Variants in SAMD5 observed in about 807,000 individuals in gnomAD.
SAMD5 encodes the protein sterile alpha motif domain containing 5.
Under a neutral mutation model 11.3 loss-of-function variants are expected in SAMD5, and 13 were observed. The ratio of observed to expected loss-of-function variants is 1.15; its 90% CI spans 0.75 to 1.83. SAMD5 has a LOEUF of 1.83. Ranked by LOEUF, SAMD5 falls within the 40% of genes most tolerant of loss-of-function variation. SAMD5 has a pLI of 0.00. For synonymous variants in SAMD5, 129 were observed against 111.3 expected (o/e 1.16, Z -1.00); for missense variants, 255 against 239.1 (o/e 1.07, Z -0.44).
chr6:147,633,974 C>T (rs1358183881), intron 1 of SAMD5, among the ~76,000 whole-genome samples: 1 of 152,108 alleles, frequency 6.6e-6, no homozygotes, highest in Non-Finnish European at 1.5e-5. Context: ...TCATTTTTCT[C>T]CAGCTTCATT....
intron 1 of SAMD5, among the ~76,000 whole-genome samples, chr6:147,579,254 A>G (rs761824646): frequency 5.3e-5 from 8 of 152,202 alleles, no homozygotes; most frequent in Non-Finnish European, 1.2e-4. Context: ...ACATGCTTAC[A>G]TACTGGGAAA....
intron 1 of SAMD5, among the ~76,000 whole-genome samples, chr6:147,670,323 A>G (rs1431933409): frequency 6.6e-6 from 1 of 152,220 alleles, no homozygotes; most frequent in Admixed American, 6.5e-5. Flanking sequence ...GGGCCCTAAG[A>G]TTTCCAGAAT....
At chr6:147,536,454 G>T (rs1479682973) in intron 1 of SAMD5, among the ~76,000 whole-genome samples, 3 of 152,156 alleles carry the variant, frequency 2.0e-5, no homozygotes, top group Non-Finnish European at 4.4e-5. Flanking sequence ...TAGCTTTAAA[G>T]AAATAAGTTT....
chr6:147,820,727 C>T, the SAMD5 span, among the ~76,000 whole-genome samples: 3 of 152,178 alleles, frequency 2.0e-5, no homozygotes, highest in African/African-American at 7.2e-5. Flanking sequence ...TTAGAGATGT[C>T]TGACCTGTGC....
At chr6:147,728,279 A>G (rs973584201) in intron 1 of SAMD5, among the ~76,000 whole-genome samples, 3 of 152,146 alleles carry the variant, frequency 2.0e-5, no homozygotes, top group Admixed American at 2.0e-4. Context: ...TCAGCCAGAC[A>G]CGGTCTTGTA....
chr6:147,640,497 CAAAAAAAA>C (rs1172694444), intron 1 of SAMD5, among the ~76,000 whole-genome samples: 1 of 24,188 alleles, frequency 4.1e-5, no homozygotes, highest in African/African-American at 1.1e-4. Flanking sequence ...GACTCTGTCG[CAAAAAAAA>C]AAAAAAAAAA....
chr6:147,563,815 C>A (rs532370534), intron 1 of SAMD5, among the ~76,000 whole-genome samples: 4 of 152,332 alleles, frequency 2.6e-5, no homozygotes, highest in Admixed American at 2.0e-4. Flanking sequence ...TTCCAGCTCA[C>A]GTGCAACTAT....
chr6:147,733,077 A>C (rs538653898), intron 1 of SAMD5, among the ~76,000 whole-genome samples: 1 of 152,220 alleles, frequency 6.6e-6, no homozygotes, highest in Non-Finnish European at 1.5e-5. Context: ...GGCTGCCTAC[A>C]TTTTGACATT....
At chr6:147,767,679 A>G in the SAMD5 span, among the ~76,000 whole-genome samples, 1 of 152,318 alleles carries the variant, frequency 6.6e-6, no homozygotes, top group East Asian at 1.9e-4. Flanking sequence ...GAAAGCCCTC[A>G]CCAGGGACTG....
At chr6:147,737,935 G>A (rs889124013), downstream of SAMD5, among the ~76,000 whole-genome samples, 1 of 152,046 alleles carries the variant, frequency 6.6e-6, no homozygotes, top group Non-Finnish European at 1.5e-5. Context: ...TATAAGTTAC[G>A]GAGGATAAAG....
the SAMD5 span, among the ~76,000 whole-genome samples, chr6:147,878,603 A>G: frequency 6.8e-6 from 1 of 146,700 alleles, no homozygotes; most frequent in Non-Finnish European, 1.5e-5. Context: ...ATACATATAT[A>G]TCTATATAGA....
intron 1 of SAMD5, among the ~76,000 whole-genome samples, chr6:147,709,920 G>A (rs1197597198): frequency 1.3e-5 from 2 of 152,034 alleles, no homozygotes; most frequent in African/African-American, 2.4e-5. Context: ...GTGTCTTGCC[G>A]CTTCTGCCTA....
intron 1 of SAMD5, among the ~76,000 whole-genome samples, chr6:147,630,746 A>G (rs1790137149): frequency 1.3e-5 from 2 of 152,218 alleles, no homozygotes; most frequent in South Asian, 2.1e-4. Flanking sequence ...ACAGAAGCAC[A>G]TGAAATTTGA....
downstream of SAMD5, among the ~76,000 whole-genome samples, chr6:147,571,328 G>T (rs1050588812): frequency 6.6e-6 from 1 of 152,126 alleles, no homozygotes; most frequent in Admixed American, 6.5e-5. Flanking sequence ...ATCACATCAC[G>T]TAAGTCAGCT....
the SAMD5 span, among the ~76,000 whole-genome samples, chr6:147,781,349 G>A: frequency 2.0e-5 from 3 of 151,974 alleles, no homozygotes; most frequent in East Asian, 5.8e-4. Context: ...TAGAGACAGG[G>A]TCTCACTATA....
chr6:147,866,556 T>C, the SAMD5 span, among the ~76,000 whole-genome samples: 1 of 152,130 alleles, frequency 6.6e-6, no homozygotes, highest in Non-Finnish European at 1.5e-5. Context: ...GTTGATGGAT[T>C]TATGGGCAGT....
intron 1 of SAMD5, among the ~76,000 whole-genome samples, chr6:147,715,161 T>C (rs1474945680): frequency 6.6e-6 from 1 of 152,196 alleles, no homozygotes; most frequent in Non-Finnish European, 1.5e-5. Flanking sequence ...CCCAAGTTTT[T>C]ACTCAGGCCT....
chr6:147,770,653 G>A, the SAMD5 span, among the ~76,000 whole-genome samples: 1 of 152,172 alleles, frequency 6.6e-6, no homozygotes, highest in Non-Finnish European at 1.5e-5. Flanking sequence ...AGATTCGAAT[G>A]ATGTAGATTG....
downstream of SAMD5, among the ~76,000 whole-genome samples, chr6:147,740,983 G>T (rs987797307): frequency 6.6e-6 from 1 of 152,164 alleles, no homozygotes. Context: ...AATTGACTGT[G>T]TTAAGTGTGC....
Sources: gnomAD v4.1 joint callset for allele counts (sites outside exome capture counted in the v4.1 genomes callset) on GRCh38, gnomAD v4.1.1 for gene constraint, MANE v1.5 for transcripts, NCBI Gene and HGNC (gene_info 2026-07-23, HGNC 2026-07-21) for gene names.